The following TOPBP1 variants were observed in gnomAD, a reference collection of about 807,000 sequenced individuals.
TOPBP1 encodes the protein DNA topoisomerase 2-binding protein 1.
Under a neutral mutation model 167.7 loss-of-function variants are expected in TOPBP1, and 28 were observed. The ratio of observed to expected loss-of-function variants is 0.17; its 90% CI spans 0.12 to 0.23. The LOEUF (loss-of-function observed/expected upper bound fraction) is 0.23, where lower values mean the gene tolerates loss of function less well. Ranked by LOEUF, TOPBP1 falls within the 10% of genes least tolerant of loss-of-function variation. The pLI, the probability that TOPBP1 is intolerant of heterozygous loss-of-function variation, is 1.00. For synonymous variants in TOPBP1, 598 were observed against 611.4 expected (o/e 0.98, Z 0.32); for missense variants, 1,554 against 1,809.6 (o/e 0.86, Z 2.56).
chr3:133,609,551 GT>G (rs1934603691), intron 25 of TOPBP1, among the ~76,000 whole-genome samples: 1 of 152,204 alleles, frequency 6.6e-6, no homozygotes, highest in Non-Finnish European at 1.5e-5. Context: ...ATCTCCAAGT[GT>G]TGGGGGAGGG....
At chr3:133,620,777 G>T (rs992531167) in intron 19 of TOPBP1, among the ~76,000 whole-genome samples, 2 of 151,992 alleles carry the variant, frequency 1.3e-5, no homozygotes, top group African/African-American at 2.4e-5. Context: ...GTTTCGCCAC[G>T]TTGGCTAGGC....
intron 4 of TOPBP1, among the ~76,000 whole-genome samples, chr3:133,657,437 A>G: frequency 6.7e-6 from 1 of 148,928 alleles, no homozygotes; most frequent in Non-Finnish European, 1.5e-5. Flanking sequence ...GCTGCAGTGC[A>G]GTGGCGTGAT....
At chr3:133,633,888 T>A (rs538148621) in intron 14 of TOPBP1, among the ~76,000 whole-genome samples, 16 of 152,282 alleles carry the variant, frequency 1.1e-4, no homozygotes, top group Admixed American at 9.1e-4. Flanking sequence ...ACCTACAAAC[T>A]CAGAACCCCA....
Position 133,624,057 on chromosome 3 carries a change from A to T in TOPBP1, c.2923T>A (p.Leu975Ile), listed in dbSNP as rs1179579988. 16 of 1,612,502 alleles carry T rather than the reference A, an allele frequency of 9.9e-6. No homozygotes were observed. The highest frequency in any genetic ancestry group is 1.3e-5 in the African/African-American group (1 of 74,860). Residue 975 changes from leucine (L) to isoleucine (I), a missense_variant, in exon 17 of 28, where the codon TTA becomes ATA. Physicochemically the swap from Leu to Ile is conservative, Grantham distance 5. Coordinates refer to ENST00000260810, the MANE Select transcript of TOPBP1 (RefSeq NM_007027.4). ...GVHIVSEHWL[L>I]DCAQECKHLP... Reference sequence around the variant, plus strand: ...GGGAAAAAAGCACTGCTTACATCTAAAAGCCAGTGCTCGGAAACAATGTGT... The same window carrying T: ...GGGAAAAAAGCACTGCTTACATCTATAAGCCAGTGCTCGGAAACAATGTGT...
rs398052284 is a variant in TOPBP1 at position 133,622,185 on chromosome 3, GTT to G, written c.3178+904_3178+905del. Among the ~76,000 whole-genome samples, 8 of 106,434 alleles carry G rather than the reference GTT, an allele frequency of 7.5e-5. 1 individual carries two copies. Among genetic ancestry groups the G allele is most frequent in the African/African-American group, 3.0e-4 (8 of 26,808 alleles). 69.8% of individuals were successfully genotyped at this position (106,434 alleles called of 152,430 possible). On this transcript the variant is annotated intron_variant, in intron 19 of 27. Transcript: ENST00000260810. The stretch of plus-strand genomic sequence containing the variant: ...GCATGTATAGTAGTCCACCATTTAT[GTT>G]TTTTTTTTTTTTTTTTTTTGAGACA...
At chr3:133,659,645 C>T (rs1936611806) in intron 2 of TOPBP1, among the ~76,000 whole-genome samples, 1 of 152,144 alleles carries the variant, frequency 6.6e-6, no homozygotes, top group South Asian at 2.1e-4. Context: ...CTGACTTAAT[C>T]CCCCACTTCA....
intron 19 of TOPBP1, among the ~76,000 whole-genome samples, chr3:133,621,307 C>T (rs1935082608): frequency 1.3e-5 from 2 of 152,148 alleles, no homozygotes; most frequent in South Asian, 4.1e-4. Context: ...GCCACCGTGC[C>T]CAGACTCCCC....
At position 133,620,157 on chromosome 3, in the gene TOPBP1, C is replaced by T; in HGVS notation, c.3369G>A (p.Leu1123=). The T allele has an allele frequency of 6.2e-7, 1 of 1,611,406 alleles. No homozygotes were observed. Among genetic ancestry groups the T allele is most frequent in the Admixed American group, 1.7e-5 (1 of 59,668 alleles). The part of the protein sequence containing the change: ...RSGRSRVLEA[L]RQSRQTVPDV... ...TGCCATCAGTGACAGGTACACACCTCAGTGCCTCTAGGACTCTACTTCGTC... is the reference window on the plus strand; with the variant it reads ...TGCCATCAGTGACAGGTACACACCTTAGTGCCTCTAGGACTCTACTTCGTC... The change falls in exon 20 of 28, where the codon CTG becomes CTA. Residue 1123 remains leucine, a splice_region_variant and synonymous_variant. Transcript: ENST00000260810.
In TOPBP1 at chr3:133,602,892, A is replaced by ATT. The variant is rs11458236; in HGVS notation, c.4426-1501_4426-1500dup. On this transcript the variant is annotated intron_variant, in intron 27 of 27. Coordinates refer to ENST00000260810, the MANE Select transcript of TOPBP1 (RefSeq NM_007027.4). ...GGATGCAAGAGATCTACCTTTTTTC[A>ATT]TTTTTTTTTTTTTTTTTTTTGAGAC... is the stretch of plus-strand genomic sequence containing the variant. Among the ~76,000 whole-genome samples, 1,004 of 121,432 alleles carry ATT rather than the reference A, an allele frequency of 8.3e-3. 12 individuals carry two copies. The highest frequency in any genetic ancestry group is 0.021 in the South Asian group (78 of 3,758). 79.7% of individuals were successfully genotyped at this position (121,432 alleles called of 152,430 possible). A position where few individuals can be genotyped will look rare whatever the true frequency, so the allele number is the denominator to read the frequency against.
chr3:133,618,660 T>C (rs1414906031), intron 20 of TOPBP1, among the ~76,000 whole-genome samples: 1 of 152,172 alleles, frequency 6.6e-6, no homozygotes, highest in East Asian at 1.9e-4. Flanking sequence ...AACACATATT[T>C]TGACTACATG....
At chr3:133,647,892 T>C (rs1049903182) in intron 10 of TOPBP1, among the ~76,000 whole-genome samples, 3 of 152,132 alleles carry the variant, frequency 2.0e-5, no homozygotes, top group Admixed American at 6.6e-5. Flanking sequence ...AAGTGACCTA[T>C]ATGCAAAGCA....
chr3:133,650,025 G>A lies in TOPBP1; in HGVS notation c.1090-82C>T. 4 of 1,178,438 alleles carry A rather than the reference G, an allele frequency of 3.4e-6. No individual in the cohort carries two copies. In the East Asian group the frequency reaches 8.2e-5, roughly 24 times the overall value. 73.0% of individuals were successfully genotyped at this position (1,178,438 alleles called of 1,614,324 possible). On this transcript the variant is annotated intron_variant, in intron 8 of 27. Coordinates refer to ENST00000260810, the MANE Select transcript of TOPBP1 (RefSeq NM_007027.4). ...CTAAAAATATATATCTAAATCCACT[G>A]TGTATAAATAAGACAACTTGTGTAC...
intron 23 of TOPBP1, 86 bp downstream of exon 23, chr3:133,616,728 T>C: frequency 1.3e-6 from 1 of 749,370 alleles, no homozygotes; most frequent in East Asian, 3.1e-5. Flanking sequence ...TTCTAGACTT[T>C]ACAAATGATA....
chr3:133,616,700 C>T (rs1287710573), intron 23 of TOPBP1, 114 bp downstream of exon 23: 2 of 572,972 alleles, frequency 3.5e-6, no homozygotes, highest in Middle Eastern at 3.7e-4. Flanking sequence ...ACAAGTTACC[C>T]ATGTTCTTTT....
Position 133,623,468 on chromosome 3 carries a change from A to G in TOPBP1, c.2929-11T>C, listed in dbSNP as rs1425052537. ...ACACTCTTGGGCACACTGCAATACA[A>G]TGGTGTGCTTTAAGACAGGACTGAC... is the stretch of plus-strand genomic sequence containing the variant. On this transcript the variant is annotated splice_polypyrimidine_tract_variant and intron_variant, in intron 17 of 27. Transcript: ENST00000260810. The G allele has an allele frequency of 1.2e-5, 20 of 1,602,060 alleles. No homozygotes were observed. The highest frequency in any genetic ancestry group is 2.7e-5 in the African/African-American group (2 of 74,714).
In TOPBP1 at chr3:133,623,412, T is replaced by G; in HGVS notation, c.2974A>C (p.Thr992Pro). The change falls in exon 18 of 28, where the codon ACT becomes CCT. Residue 992 changes from threonine (T) to proline (P), a missense_variant. Physicochemically the swap from Thr to Pro is conservative, Grantham distance 38. This residue lies in a region of TOPBP1 where 1,197 missense variants were observed against 1,351.5 expected (regional missense o/e 0.89). Transcript: ENST00000260810. ...TCCAAGCTCATTTTGGGATTATAAGTATGTGGATAAAGAGATTCAGGAAGA... is the reference window on the plus strand; with the variant it reads ...TCCAAGCTCATTTTGGGATTATAAGGATGTGGATAAAGAGATTCAGGAAGA... ...KHLPESLYPH[T>P]YNPKMSLDIS... is the part of the protein sequence containing the mutation. 1 of 1,612,888 alleles carries G rather than the reference T, an allele frequency of 6.2e-7. No individual in the cohort carries two copies. Among genetic ancestry groups the G allele is most frequent in the Non-Finnish European group, 8.5e-7 (1 of 1,179,370 alleles).
chr3:133,639,288 A>G (rs1935805935), intron 13 of TOPBP1, among the ~76,000 whole-genome samples: 1 of 152,206 alleles, frequency 6.6e-6, no homozygotes, highest in African/African-American at 2.4e-5. Context: ...GCCAGAAAAA[A>G]GGATGAATTC....
chr3:133,638,033 C>T lies in TOPBP1; in HGVS notation c.2363G>A (p.Ser788Asn). 1.2e-6 allele frequency: 2 copies of T among 1,614,004 alleles called. No individual in the cohort carries two copies. Among genetic ancestry groups the T allele is most frequent in the Middle Eastern group, 1.7e-4 (1 of 6,060 alleles). The stretch of plus-strand genomic sequence containing the variant: ...TGAGACCACAGCACGGAAAGCTTTA[C>T]TCTGAAAGCGGTTCATATCTAAAGG... ...VTPLDMNRFQ[S>N]KAFRAVVSQH... The change falls in exon 14 of 28, where the codon AGT becomes AAT. Residue 788 changes from serine to asparagine, a missense_variant. Around this residue, in one of 3 missense-constraint regions of TOPBP1, gnomAD observed 1,197 missense variants for 1,351.5 expected, o/e 0.89. Transcript: ENST00000260810.
intron 23 of TOPBP1, among the ~76,000 whole-genome samples, chr3:133,616,411 C>T (rs946087650): frequency 1.3e-5 from 2 of 152,104 alleles, no homozygotes; most frequent in Non-Finnish European, 2.9e-5. Flanking sequence ...CACGAGCCAC[C>T]GTGCCTGGCC....
Sources: allele counts gnomAD v4.1 joint callset (sites outside exome capture counted in the v4.1 genomes callset), GRCh38; gene constraint gnomAD v4.1.1; regional missense constraint gnomAD v4.1.1; transcripts MANE v1.5; gene names NCBI Gene and HGNC (gene_info 2026-07-23, HGNC 2026-07-21).